The following KCNA1 variants were observed in gnomAD, a reference collection of about 807,000 sequenced individuals.
KCNA1 encodes potassium voltage-gated channel subfamily A member 1.
A neutral mutation model predicts 28.8 loss-of-function variants in KCNA1; 19 were observed. That is an observed-to-expected ratio of 0.66 (90% CI 0.46 to 0.97). KCNA1 has a LOEUF of 0.97. KCNA1 is among the 50% of genes least tolerant of loss of function. The probability of loss-of-function intolerance (pLI) is 0.00; values close to 1 mark genes in which losing one functional copy is unlikely to be tolerated. For synonymous variants in KCNA1, 311 were observed against 268.8 expected, an observed-to-expected ratio of 1.16 and a Z score of -1.53; for missense variants, 419 against 659.7, an observed-to-expected ratio of 0.64 and a Z score of 4.00.
Position 4,917,568 on chromosome 12 carries a change from A to G in KCNA1, c.*4702A>G, listed in dbSNP as rs767851298. 2 of 167,098 alleles carry G rather than the reference A, an allele frequency of 1.2e-5. No homozygotes were observed. Among genetic ancestry groups the G allele is most frequent in the African/African-American group, 4.8e-5 (2 of 41,454 alleles). The allele number at this position is 167,098 out of a possible 1,614,324, so 10.4% of individuals were successfully genotyped here. On this transcript the variant is annotated 3_prime_UTR_variant, in exon 2 of 2. Transcript: ENST00000382545. ...GGCTTTCTTGGGAAGTCCAGCATGTATGTAAGGGGTGAGGCCCTGCTGACC... is the reference window on the plus strand; with the variant it reads ...GGCTTTCTTGGGAAGTCCAGCATGTGTGTAAGGGGTGAGGCCCTGCTGACC...
chr12:4,915,137 GCC>G lies in KCNA1; in HGVS notation c.*2277_*2278del, dbSNP rs397724146. On this transcript the variant is annotated 3_prime_UTR_variant, in exon 2 of 2. Transcript: ENST00000382545. ...ACAGGTTGAACATCTAACTTCTGCT[GCC>G]CCCCCGTTACCCAGCCCAGAGAATG... 26,347 of 166,950 alleles carry G rather than the reference GCC, an allele frequency of 0.16. 2,349 individuals are homozygous for G. Among genetic ancestry groups the G allele is most frequent in the Middle Eastern group, 0.21 (63 of 298 alleles). 10.3% of individuals were successfully genotyped at this position (166,950 alleles called of 1,614,324 possible). A position where few individuals can be genotyped will look rare whatever the true frequency, so the allele number is the denominator to read the frequency against.
chr12:4,913,204 CT>C lies in KCNA1; in HGVS notation c.*341del, dbSNP rs1947363488. The C allele has an allele frequency of 3.2e-6, 1 of 309,880 alleles. No individual in the cohort carries two copies. Among genetic ancestry groups the C allele is most frequent in the Non-Finnish European group, 6.4e-6 (1 of 155,104 alleles). The allele number at this position is 309,880 out of a possible 1,614,324, so 19.2% of individuals were successfully genotyped here. A position where few individuals can be genotyped will look rare whatever the true frequency, so the allele number is the denominator to read the frequency against. ...TCCCCAAACTGAAACATTTTTAATG[CT>C]TTGGTTTCTTTAACTTTTTTAAAAA... On this transcript the variant is annotated 3_prime_UTR_variant, in exon 2 of 2. Transcript: ENST00000382545.
chr12:4,911,313 T>G lies in KCNA1; in HGVS notation c.-66T>G. 6.1e-5 allele frequency: 62 copies of G among 1,020,784 alleles called. No homozygotes were observed. Among genetic ancestry groups the G allele is most frequent in the Non-Finnish European group, 6.5e-5 (46 of 707,102 alleles). 63.2% of individuals were successfully genotyped at this position (1,020,784 alleles called of 1,614,324 possible). On this transcript the variant is annotated 5_prime_UTR_variant, in exon 2 of 2. Coordinates refer to ENST00000382545, the MANE Select transcript of KCNA1 (RefSeq NM_000217.3). This position sits in a 1 kb window ranked among gnomAD's most constrained non-coding sequence, Gnocchi z 6.6. ...GGGCCGCTTGGGTCCCCCCCACCCC[T>G]GGTCCCTGGCTGCTTCCCACCCCGG...
At position 4,911,178 on chromosome 12, in the gene KCNA1, A is replaced by G; in HGVS notation, c.-201A>G. ...GGCGAGGGGGATTCCAAACTGAGTG[A>G]AAGGCAGGGTGGAGGGGAAGGCAGC... On this transcript the variant is annotated 5_prime_UTR_variant, in exon 2 of 2. Transcript: ENST00000382545. The surrounding 1 kb of genome is among the most constrained non-coding windows in gnomAD (Gnocchi z 6.6). The G allele has an allele frequency of 1.7e-6, 1 of 603,716 alleles. No homozygotes were observed. 37.4% of individuals were successfully genotyped at this position (603,716 alleles called of 1,614,324 possible).
Position 4,911,885 on chromosome 12 carries a change from C to T in KCNA1, c.507C>T (p.Ile169=), listed in dbSNP as rs1378300372. The T allele has an allele frequency of 1.2e-6, 2 of 1,613,948 alleles. No homozygotes were observed. The highest frequency in any genetic ancestry group is 1.3e-5 in the African/African-American group (1 of 74,910). Residue 169 remains isoleucine (I), a synonymous_variant, in exon 2 of 2, where the codon ATC becomes ATT. Transcript: ENST00000382545. The surrounding 1 kb of genome is among the most constrained non-coding windows in gnomAD (Gnocchi z 6.6). ...YPESSGPARV[I]AIVSVMVILI... ...AGAGCTCGGGGCCCGCCAGGGTCAT[C>T]GCCATCGTCTCCGTCATGGTCATCC...
rs1251036461 is a variant in KCNA1 at position 4,916,256 on chromosome 12, A to G, written c.*3390A>G. Reference sequence around the variant, plus strand: ...TGGAGCTGTAACAGCTCATGTCCTGACTATGTGTTTTCTCCAGAAGGAGAA... The same window carrying G: ...TGGAGCTGTAACAGCTCATGTCCTGGCTATGTGTTTTCTCCAGAAGGAGAA... On this transcript the variant is annotated 3_prime_UTR_variant, in exon 2 of 2. Coordinates refer to ENST00000382545, the MANE Select transcript of KCNA1 (RefSeq NM_000217.3). 1 of 167,006 alleles carries G rather than the reference A, an allele frequency of 6.0e-6. No individual in the cohort carries two copies. Among genetic ancestry groups the G allele is most frequent in the Non-Finnish European group, 1.5e-5 (1 of 68,104 alleles). 10.3% of individuals were successfully genotyped at this position (167,006 alleles called of 1,614,324 possible).
In KCNA1 at chr12:4,912,662, C is replaced by G; in HGVS notation, c.1284C>G (p.Leu428=). The change falls in exon 2 of 2, where the codon CTC becomes CTG. Residue 428 remains leucine (L), a synonymous_variant. Transcript: ENST00000382545. ...AGGGGGAAGAGCAGGCTCAGTTGCT[C>G]CACGTCAGTTCCCCTAACTTAGCCT... ...ETEGEEQAQL[L]HVSSPNLASD... 1 of 1,612,852 alleles carries G rather than the reference C, an allele frequency of 6.2e-7. No individual in the cohort carries two copies. The highest frequency in any genetic ancestry group is 8.5e-7 in the Non-Finnish European group (1 of 1,179,910).
In KCNA1 at chr12:4,917,909, T is replaced by C. The variant is rs1394511283; in HGVS notation, c.*5043T>C. ...TGGACTCCATGTGACATGCCTCTAA[T>C]AGTAAAGATAAAGTATTACTGAGGT... is the stretch of plus-strand genomic sequence containing the variant. On this transcript the variant is annotated 3_prime_UTR_variant, in exon 2 of 2. Transcript: ENST00000382545. The C allele has an allele frequency of 6.0e-6, 1 of 167,074 alleles. No homozygotes were observed. Among genetic ancestry groups the C allele is most frequent in the Non-Finnish European group, 1.5e-5 (1 of 68,112 alleles). 10.3% of individuals were successfully genotyped at this position (167,074 alleles called of 1,614,324 possible). A position where few individuals can be genotyped will look rare whatever the true frequency, so the allele number is the denominator to read the frequency against.
In KCNA1 at chr12:4,911,487, G is replaced by C; in HGVS notation, c.109G>C (p.Glu37Gln). 1 of 1,614,076 alleles carries C rather than the reference G, an allele frequency of 6.2e-7. No individual in the cohort carries two copies. Among genetic ancestry groups the C allele is most frequent in the Non-Finnish European group, 8.5e-7 (1 of 1,180,026 alleles). The change falls in exon 2 of 2, where the codon GAG (glutamate) becomes CAG (glutamine). Residue 37 changes from glutamate (E) to glutamine (Q), a missense_variant. Physicochemically the swap from Glu to Gln is conservative, Grantham distance 29. Coordinates refer to ENST00000382545, the MANE Select transcript of KCNA1 (RefSeq NM_000217.3). The surrounding 1 kb of genome is among the most constrained non-coding windows in gnomAD (Gnocchi z 6.6). The part of the protein sequence containing the change: ...QADHDDHECC[E>Q]RVVINISGLR... ...CGACCACGACGACCACGAGTGCTGCGAGCGCGTGGTGATCAACATCTCCGG... is the reference window on the plus strand; with the variant it reads ...CGACCACGACGACCACGAGTGCTGCCAGCGCGTGGTGATCAACATCTCCGG...
chr12:4,916,250 G>A lies in KCNA1; in HGVS notation c.*3384G>A, dbSNP rs997194141. Reference sequence around the variant, plus strand: ...TAGGCATGGAGCTGTAACAGCTCATGTCCTGACTATGTGTTTTCTCCAGAA... The same window carrying A: ...TAGGCATGGAGCTGTAACAGCTCATATCCTGACTATGTGTTTTCTCCAGAA... On this transcript the variant is annotated 3_prime_UTR_variant, in exon 2 of 2. Transcript: ENST00000382545. The A allele has an allele frequency of 6.0e-6, 1 of 167,026 alleles. No individual in the cohort carries two copies. The highest frequency in any genetic ancestry group is 2.4e-5 in the African/African-American group (1 of 41,434). The allele number at this position is 167,026 out of a possible 1,614,324, so 10.3% of individuals were successfully genotyped here. A position where few individuals can be genotyped will look rare whatever the true frequency, so the allele number is the denominator to read the frequency against.
rs769026957 is a variant in KCNA1, at chr12:4,912,110, C to T, written c.732C>T (p.Pro244=). The change falls in exon 2 of 2, where the codon CCC becomes CCT. Residue 244 remains proline, a synonymous_variant. Transcript: ENST00000382545. ...FELVVRFFAC[P]SKTDFFKNIM... is the part of the protein sequence containing the mutation. ...TGGTGGTGCGCTTCTTCGCCTGCCC[C>T]AGCAAGACGGACTTCTTCAAAAACA... is the stretch of plus-strand genomic sequence containing the variant. 1.9e-6 allele frequency: 3 copies of T among 1,614,032 alleles called. No homozygotes were observed. The highest frequency in any genetic ancestry group is 3.3e-5 in the Admixed American group (2 of 59,998).
At position 4,916,098 on chromosome 12, in the gene KCNA1, A is replaced by T. The variant is rs1459092234; in HGVS notation, c.*3232A>T. 1 of 167,122 alleles carries T rather than the reference A, an allele frequency of 6.0e-6. No individual in the cohort carries two copies. Among genetic ancestry groups the T allele is most frequent in the African/African-American group, 2.4e-5 (1 of 41,454 alleles). 10.4% of individuals were successfully genotyped at this position (167,122 alleles called of 1,614,324 possible). A position where few individuals can be genotyped will look rare whatever the true frequency, so the allele number is the denominator to read the frequency against. On this transcript the variant is annotated 3_prime_UTR_variant, in exon 2 of 2. Transcript: ENST00000382545. Reference sequence around the variant, plus strand: ...GACCAAGCTCTTACCCTCGCACTGTAATGTGTTGAAATGTCTTTGTAGACC... The same window carrying T: ...GACCAAGCTCTTACCCTCGCACTGTTATGTGTTGAAATGTCTTTGTAGACC...
rs4766310 is a variant in KCNA1 at position 4,912,875 on chromosome 12, G to A, written c.*9G>A. 0.48 allele frequency: 759,422 copies of A among 1,596,498 alleles called. 182,909 individuals are homozygous for A. The highest frequency in any genetic ancestry group is 0.58 in the East Asian group (25,965 of 44,770). On this transcript the variant is annotated 3_prime_UTR_variant, in exon 2 of 2. Coordinates refer to ENST00000382545, the MANE Select transcript of KCNA1 (RefSeq NM_000217.3). ...TACTGACCGATGTTTAAAAAACAAA[G>A]GCAAGCAAACAAAAAAGCCCCACTT...
At position 4,913,226 on chromosome 12, in the gene KCNA1, A is replaced by T. The variant is rs1017459301; in HGVS notation, c.*360A>T. The T allele has an allele frequency of 1.3e-5, 4 of 301,870 alleles. No individual in the cohort carries two copies. Among genetic ancestry groups the T allele is most frequent in the African/African-American group, 2.2e-5 (1 of 44,744 alleles). The allele number at this position is 301,870 out of a possible 1,614,324, so 18.7% of individuals were successfully genotyped here. The stretch of plus-strand genomic sequence containing the variant: ...ATGCTTTGGTTTCTTTAACTTTTTT[A>T]AAAACTCAGAACAAGATGATCACTT... On this transcript the variant is annotated 3_prime_UTR_variant, in exon 2 of 2. Coordinates refer to ENST00000382545, the MANE Select transcript of KCNA1 (RefSeq NM_000217.3).
rs1947340100 is a variant in KCNA1, at chr12:4,910,197, C to G, written c.-815C>G. 1 of 152,396 alleles carries G rather than the reference C, an allele frequency of 6.6e-6. No homozygotes were observed. The highest frequency in any genetic ancestry group is 1.5e-5 in the Non-Finnish European group (1 of 68,068). 9.4% of individuals were successfully genotyped at this position (152,396 alleles called of 1,614,324 possible). Reference sequence around the variant, plus strand: ...GCCCCGCATCCTCCGGAACTCCCTGCACCGGAGAGAGGACGGCGTCTCCAG... The same window carrying G: ...GCCCCGCATCCTCCGGAACTCCCTGGACCGGAGAGAGGACGGCGTCTCCAG... On this transcript the variant is annotated 5_prime_UTR_variant, in exon 1 of 2. Coordinates refer to ENST00000382545, the MANE Select transcript of KCNA1 (RefSeq NM_000217.3). This position sits in a 1 kb window ranked among gnomAD's most constrained non-coding sequence, Gnocchi z 4.9.
chr12:4,911,787 A>G lies in KCNA1; in HGVS notation c.409A>G (p.Ile137Val), dbSNP rs1264181777. 1.2e-6 allele frequency: 2 copies of G among 1,613,960 alleles called. No individual in the cohort carries two copies. Among genetic ancestry groups the G allele is most frequent in the South Asian group, 1.1e-5 (1 of 91,066 alleles). ...GAAGTTCCGGGAGGACGAGGGCTTC[A>G]TCAAGGAGGAGGAGCGCCCTCTGCC... The part of the protein sequence containing the change: ...MEKFREDEGF[I>V]KEEERPLPEK... Residue 137 changes from isoleucine (I) to valine (V), a missense_variant, in exon 2 of 2, where the codon ATC becomes GTC. Ile to Val is a conservative substitution (Grantham distance 29). Transcript: ENST00000382545. This position sits in a 1 kb window ranked among gnomAD's most constrained non-coding sequence, Gnocchi z 6.6.
chr12:4,911,362 C>T lies in KCNA1; in HGVS notation c.-17C>T, dbSNP rs746212583. ...GGGCTCTCTCCTGGCCTCCCACCCCCGCGCCCGGCTTCCACCATGACGGTG... is the reference window on the plus strand; with the variant it reads ...GGGCTCTCTCCTGGCCTCCCACCCCTGCGCCCGGCTTCCACCATGACGGTG... On this transcript the variant is annotated 5_prime_UTR_variant, in exon 2 of 2. Coordinates refer to ENST00000382545, the MANE Select transcript of KCNA1 (RefSeq NM_000217.3). This position sits in a 1 kb window ranked among gnomAD's most constrained non-coding sequence, Gnocchi z 6.6. 5.0e-6 allele frequency: 8 copies of T among 1,610,052 alleles called. No individual in the cohort carries two copies. The highest frequency in any genetic ancestry group is 5.9e-6 in the Non-Finnish European group (7 of 1,179,398).
chr12:4,911,156 G>C lies in KCNA1; in HGVS notation c.-223G>C. The C allele has an allele frequency of 1.7e-6, 1 of 598,842 alleles. No individual in the cohort carries two copies. Among genetic ancestry groups the C allele is most frequent in the Non-Finnish European group, 3.0e-6 (1 of 336,462 alleles). 37.1% of individuals were successfully genotyped at this position (598,842 alleles called of 1,614,324 possible). A position where few individuals can be genotyped will look rare whatever the true frequency, so the allele number is the denominator to read the frequency against. On this transcript the variant is annotated 5_prime_UTR_variant, in exon 2 of 2. Coordinates refer to ENST00000382545, the MANE Select transcript of KCNA1 (RefSeq NM_000217.3). The surrounding 1 kb of genome is among the most constrained non-coding windows in gnomAD (Gnocchi z 6.6). Reference sequence around the variant, plus strand: ...AAAAAGCTGCACCCGGCCCGCAGGCGAGGGGGATTCCAAACTGAGTGAAAG... The same window carrying C: ...AAAAAGCTGCACCCGGCCCGCAGGCCAGGGGGATTCCAAACTGAGTGAAAG...
In KCNA1 at chr12:4,913,954, C is replaced by G. The variant is rs1325199363; in HGVS notation, c.*1088C>G. On this transcript the variant is annotated 3_prime_UTR_variant, in exon 2 of 2. Coordinates refer to ENST00000382545, the MANE Select transcript of KCNA1 (RefSeq NM_000217.3). ...ATGGGAACAATAACTTTTTGGAGCTCAAAGCATGTTCTCTTATTCAGCATT... is the reference window on the plus strand; with the variant it reads ...ATGGGAACAATAACTTTTTGGAGCTGAAAGCATGTTCTCTTATTCAGCATT... The G allele has an allele frequency of 1.2e-5, 2 of 166,956 alleles. No homozygotes were observed. The highest frequency in any genetic ancestry group is 3.8e-4 in the East Asian group (2 of 5,200). The allele number at this position is 166,956 out of a possible 1,614,324, so 10.3% of individuals were successfully genotyped here. A position where few individuals can be genotyped will look rare whatever the true frequency, so the allele number is the denominator to read the frequency against.
Sources: gnomAD v4.1 joint callset for allele counts on GRCh38, gnomAD v4.1.1 for gene constraint, Gnocchi (gnomAD v3.1) non-coding constraint, MANE v1.5 for transcripts, NCBI Gene and HGNC (gene_info 2026-07-23, HGNC 2026-07-21) for gene names.